The following TENM1 variants were observed in gnomAD, a reference collection of about 807,000 sequenced individuals.
TENM1 encodes teneurin-1.
Under a neutral mutation model 174.8 loss-of-function variants are expected in TENM1, and 35 were observed. The observed-to-expected ratio is 0.20, with a 90% CI of 0.15 to 0.27. The LOEUF (loss-of-function observed/expected upper bound fraction) is 0.27. TENM1 is among the 10% of genes least tolerant of loss of function. TENM1 has a pLI of 1.00. For synonymous variants in TENM1, 781 were observed against 798.7 expected, an observed-to-expected ratio of 0.98 and a Z score of 0.37; for missense variants, 1,633 against 2,130.1, an observed-to-expected ratio of 0.77 and a Z score of 4.59.
the TENM1 span, among the ~76,000 whole-genome samples, chrX:125,133,067 C>T: frequency 2.7e-5 from 3 of 110,825 alleles, no homozygotes; most frequent in Non-Finnish European, 5.7e-5. Flanking sequence ...GATCTCTGCT[C>T]ACTGCAACCT....
intron 6 of TENM1, among the ~76,000 whole-genome samples, chrX:124,654,580 A>C (rs1261317684): frequency 8.9e-6 from 1 of 111,803 alleles, no homozygotes; most frequent in Non-Finnish European, 1.9e-5. Flanking sequence ...GGATGGCTTG[A>C]ACTAAAAAGA....
intron 11 of TENM1, among the ~76,000 whole-genome samples, chrX:124,592,710 A>G (rs1236089333): frequency 9.2e-6 from 1 of 109,010 alleles, no homozygotes; most frequent in African/African-American, 3.3e-5. Flanking sequence ...TTGGCCTCCC[A>G]AAGTGCTGGG....
At chrX:124,975,368 C>T in the TENM1 span, among the ~76,000 whole-genome samples, 1 of 111,384 alleles carries the variant, frequency 9.0e-6, no homozygotes, top group Non-Finnish European at 1.9e-5. Flanking sequence ...ACAATGAAAT[C>T]CATTGGGGTT....
the TENM1 span, among the ~76,000 whole-genome samples, chrX:125,138,628 T>C: frequency 0.17 from 18,855 of 110,309 alleles, 1,329 homozygotes; most frequent in Admixed American, 0.32. Flanking sequence ...AACTAATGTA[T>C]GCTGTTAGAA....
At chrX:124,541,451 CT>C (rs1164512727) in intron 15 of TENM1, among the ~76,000 whole-genome samples, 3 of 111,977 alleles carry the variant, frequency 2.7e-5, no homozygotes, top group Admixed American at 1.9e-4. Context: ...CTCGCTCTTG[CT>C]TTCACCATGT....
chrX:125,098,162 G>T, the TENM1 span, among the ~76,000 whole-genome samples: 1 of 111,505 alleles, frequency 9.0e-6, no homozygotes, highest in African/African-American at 3.3e-5. Context: ...TACTCAGGAG[G>T]CTGAGGCAGG....
At chrX:124,675,461 C>G (rs750650981) in intron 5 of TENM1, among the ~76,000 whole-genome samples, 4 of 110,666 alleles carry the variant, frequency 3.6e-5, no homozygotes, top group African/African-American at 1.3e-4. Context: ...AGGTGAGTCC[C>G]CCAAACCCAA....
chrX:125,121,441 T>C, the TENM1 span, among the ~76,000 whole-genome samples: 3 of 112,338 alleles, frequency 2.7e-5, no homozygotes, highest in Non-Finnish European at 5.6e-5. Flanking sequence ...ACAATTGCCA[T>C]ACTTATTTAA....
At chrX:124,710,925 G>A (rs1466828946) in intron 4 of TENM1, among the ~76,000 whole-genome samples, 1 of 112,229 alleles carries the variant, frequency 8.9e-6, no homozygotes, top group African/African-American at 3.2e-5. Context: ...AGCAGGAGCA[G>A]AAAGACAAAT....
chrX:124,676,081 G>T (rs1158836415), intron 5 of TENM1, among the ~76,000 whole-genome samples: 2 of 104,114 alleles, frequency 1.9e-5, no homozygotes, highest in Non-Finnish European at 4.0e-5. Context: ...ACCTCAGTAC[G>T]CTAGCCAACT....
chrX:124,452,248 C>T (rs1255523500), intron 23 of TENM1, among the ~76,000 whole-genome samples: 1 of 112,751 alleles, frequency 8.9e-6, no homozygotes, highest in Non-Finnish European at 1.9e-5. Flanking sequence ...GACATTTATG[C>T]AGCCAACAGT....
At chrX:125,147,130 C>T in the TENM1 span, among the ~76,000 whole-genome samples, 1 of 106,848 alleles carries the variant, frequency 9.4e-6, no homozygotes, top group Non-Finnish European at 1.9e-5. Flanking sequence ...TATATATACA[C>T]ACATATGTGT....
intron 18 of TENM1, 44 bp from the exon 22 acceptor site, chrX:124,503,747 T>C: frequency 1.8e-6 from 2 of 1,110,030 alleles, no homozygotes; most frequent in Non-Finnish European, 2.4e-6. Context: ...CTGTAAAATA[T>C]TTGCTTCATG....
At chrX:125,053,548 G>A in the TENM1 span, among the ~76,000 whole-genome samples, 2 of 112,076 alleles carry the variant, frequency 1.8e-5, no homozygotes, top group African/African-American at 6.5e-5. Context: ...AGGTACACTG[G>A]TAGTGGCTGC....
At chrX:124,413,569 T>C (rs1053163882) in intron 25 of TENM1, among the ~76,000 whole-genome samples, 3 of 112,140 alleles carry the variant, frequency 2.7e-5, no homozygotes, top group Admixed American at 1.9e-4. Context: ...TACCAGCTTC[T>C]GTTACTTCTG....
At chrX:124,471,469 ATATATAATATATAATATATAGTAT>A (rs2061328727) in intron 22 of TENM1, among the ~76,000 whole-genome samples, 1 of 21,696 alleles carries the variant, frequency 4.6e-5, no homozygotes, top group Non-Finnish European at 8.6e-5. Flanking sequence ...ACTATATATA[ATATATAATATATAATATATAGTAT>A]TATATAATAT....
the TENM1 span, among the ~76,000 whole-genome samples, chrX:125,091,982 T>C: frequency 1.4e-5 from 1 of 69,581 alleles, no homozygotes. Flanking sequence ...TGAAACTCTG[T>C]CTCAAAAAAA....
chrX:124,610,738 A>C (rs2050259851), intron 11 of TENM1, among the ~76,000 whole-genome samples: 1 of 111,519 alleles, frequency 9.0e-6, no homozygotes, highest in Admixed American at 9.5e-5. Context: ...CCCTTCGTAG[A>C]AACTTTGAGG....
chrX:124,920,306 T>C (rs762586963), intron 1 of TENM1, among the ~76,000 whole-genome samples: 1 of 111,863 alleles, frequency 8.9e-6, no homozygotes, highest in African/African-American at 3.2e-5. Flanking sequence ...AATTTTCCTC[T>C]CAATAGTATG....
Sources: gnomAD v4.1 joint callset for allele counts (sites outside exome capture counted in the v4.1 genomes callset) on GRCh38, gnomAD v4.1.1 for gene constraint, MANE v1.5 for transcripts, NCBI Gene and HGNC (gene_info 2026-07-23, HGNC 2026-07-21) for gene names.